The following ZNF568 variants were observed in gnomAD, a reference collection of about 807,000 sequenced individuals.
ZNF568 encodes the protein zinc finger protein 568, also known as p53 inhibitor of SCO2 activation.
A neutral mutation model predicts 18.1 loss-of-function variants in ZNF568; 11 were observed. That is an observed-to-expected ratio of 0.61 (90% confidence interval 0.38 to 1.00). The LOEUF (loss-of-function observed/expected upper bound fraction) is 1.00. Ranked by LOEUF, ZNF568 falls within the 50% of genes least tolerant of loss-of-function variation. The pLI is 0.01. For synonymous variants in ZNF568, 213 were observed against 246.6 expected (o/e 0.86, Z 1.28); for missense variants, 639 against 768.2 (o/e 0.83, Z 1.99).
At chr19:36,991,874 G>A (rs1339850664) in intron 4 of ZNF568, 1 of 1,521,308 alleles carries the variant, frequency 6.6e-7, no homozygotes, top group Non-Finnish European at 8.8e-7. Flanking sequence ...GGAATGGGGA[G>A]GCCATAGCAG....
intron 4 of ZNF568, among the ~76,000 whole-genome samples, chr19:36,930,754 T>C (rs1415255670): frequency 6.6e-6 from 1 of 152,150 alleles, no homozygotes; most frequent in Non-Finnish European, 1.5e-5. Flanking sequence ...ATCAACCCTT[T>C]AAGGAGAATT....
intron 6 of ZNF568, among the ~76,000 whole-genome samples, chr19:36,942,743 T>G (rs182118393): frequency 2.2e-3 from 342 of 152,294 alleles, no homozygotes; most frequent in African/African-American, 7.7e-3. Flanking sequence ...TGTTTTGTTT[T>G]TTTGCTGAAC....
At chr19:36,973,485 A>C (rs2074254606) in intron 6 of ZNF568, 1 of 154,818 alleles carries the variant, frequency 6.5e-6, no homozygotes, top group Non-Finnish European at 1.4e-5. Context: ...TGTCAGGGCC[A>C]CTGGCCCCCA....
At chr19:36,920,751 A>G (rs182203220) in intron 2 of ZNF568, among the ~76,000 whole-genome samples, 2 of 151,850 alleles carry the variant, frequency 1.3e-5, no homozygotes, top group Admixed American at 1.3e-4. Flanking sequence ...TAAAGTCTAC[A>G]GTAGTGTACA....
At chr19:36,985,551 C>G (rs1015372854) in intron 2 of ZNF568, among the ~76,000 whole-genome samples, 1 of 151,896 alleles carries the variant, frequency 6.6e-6, no homozygotes, top group Non-Finnish European at 1.5e-5. Context: ...AAGACACAGT[C>G]TCACTGTGTC....
At chr19:36,940,761 C>T (rs1312988676) in intron 6 of ZNF568, among the ~76,000 whole-genome samples, 2 of 152,118 alleles carry the variant, frequency 1.3e-5, no homozygotes, top group Non-Finnish European at 2.9e-5. Flanking sequence ...AAGATTGAGG[C>T]TTTCTTTTTC....
chr19:36,997,033 G>C, exon 5 of ZNF568: 1 of 1,563,578 alleles, frequency 6.4e-7, no homozygotes, highest in Non-Finnish European at 8.6e-7. Flanking sequence ...CCATACGGGT[G>C]AGAAACCCCA....
downstream of ZNF568, chr19:36,997,413 T>C (rs778658016): frequency 3.2e-6 from 5 of 1,587,050 alleles, no homozygotes; most frequent in Admixed American, 1.7e-5. Flanking sequence ...CCTTTACTTG[T>C]AGCACAGAAC....
exon 7 of ZNF568, chr19:36,974,455 G>A (rs1255736985): frequency 1.3e-6 from 2 of 1,536,146 alleles, no homozygotes; most frequent in East Asian, 4.9e-5. Context: ...TGCGTCTGAA[G>A]TGATGGCGGA....
At chr19:36,940,745 A>T (rs779944589) in intron 6 of ZNF568, among the ~76,000 whole-genome samples, 7 of 152,254 alleles carry the variant, frequency 4.6e-5, no homozygotes, top group African/African-American at 7.2e-5. Flanking sequence ...CTGTAGAAGG[A>T]GTAACAAGAT....
downstream of ZNF568, among the ~76,000 whole-genome samples, chr19:36,981,395 C>T (rs769323931): frequency 1.4e-4 from 21 of 152,086 alleles, no homozygotes; most frequent in Non-Finnish European, 2.8e-4. Context: ...ATTAAACCTT[C>T]GATCAATTTG....
intron 6 of ZNF568, among the ~76,000 whole-genome samples, chr19:36,969,228 TA>T (rs2074218110): frequency 6.6e-6 from 1 of 151,946 alleles, no homozygotes; most frequent in African/African-American, 2.4e-5. Flanking sequence ...ACAACTGAAG[TA>T]AATGTGCCTA....
At position 36,950,965 on chromosome 19, in the gene ZNF568, T is replaced by C. The variant is rs1352961686; in HGVS notation, c.1812T>C (p.His604=). Residue 604 remains histidine (H), a synonymous_variant, in exon 7 of 7, where the codon CAT becomes CAC. Coordinates refer to ENST00000333987, the MANE Select transcript of ZNF568 (RefSeq NM_198539.4). ...CTCAGTGCTCATTACTTATTATACATATGAGAAGTCATACTGGTGAGAAAC... is the reference window on the plus strand; with the variant it reads ...CTCAGTGCTCATTACTTATTATACACATGAGAAGTCATACTGGTGAGAAAC... The part of the protein sequence containing the change: ...AFSQCSLLII[H]MRSHTGEKPF... The C allele has an allele frequency of 1.2e-6, 2 of 1,613,804 alleles. No individual in the cohort carries two copies. The highest frequency in any genetic ancestry group is 4.5e-5 in the East Asian group (2 of 44,846).
At chr19:36,948,264 A>G (rs905244263) in intron 6 of ZNF568, among the ~76,000 whole-genome samples, 1 of 152,154 alleles carries the variant, frequency 6.6e-6, no homozygotes, top group Non-Finnish European at 1.5e-5. Flanking sequence ...ACTTAGCAAC[A>G]TGCATTTAAG....
At chr19:36,948,658 A>ATTTTTTTTTTTTGTTTTTTTTTT (rs2074005098) in intron 6 of ZNF568, among the ~76,000 whole-genome samples, 1 of 83,576 alleles carries the variant, frequency 1.2e-5, no homozygotes, top group African/African-American at 4.8e-5. Context: ...TTTGTTGTTG[A>ATTTTTTTTTTTTGTTTTTTTTTT]TTTTTTTTTT....
chr19:36,933,938 TTTTTA>T (rs2073741523), intron 4 of ZNF568, among the ~76,000 whole-genome samples: 4 of 139,158 alleles, frequency 2.9e-5, no homozygotes, highest in African/African-American at 8.0e-5. Context: ...TTTTTTTTTT[TTTTTA>T]GTAATTCAGT....
chr19:36,984,150 C>T (rs989738188), downstream of ZNF568, among the ~76,000 whole-genome samples: 15 of 152,118 alleles, frequency 9.9e-5, no homozygotes, highest in Non-Finnish European at 1.2e-4. Flanking sequence ...CCCCCCACCT[C>T]GGCCTCCCAA....
At chr19:36,969,790 T>A (rs2074223085) in intron 6 of ZNF568, among the ~76,000 whole-genome samples, 1 of 75,626 alleles carries the variant, frequency 1.3e-5, no homozygotes, top group Non-Finnish European at 2.6e-5. Context: ...GATTTTTTTT[T>A]TTTTTTTTTT....
chr19:36,977,990 T>C (rs945592233), intron 7 of ZNF568, among the ~76,000 whole-genome samples: 1 of 152,216 alleles, frequency 6.6e-6, no homozygotes, highest in Non-Finnish European at 1.5e-5. Context: ...TTTCATTGCT[T>C]CTTTTCTTTT....
Sources: gnomAD v4.1 joint callset for allele counts (sites outside exome capture counted in the v4.1 genomes callset) on GRCh38, gnomAD v4.1.1 for gene constraint, MANE v1.5 for transcripts, NCBI Gene and HGNC (gene_info 2026-07-23, HGNC 2026-07-21) for gene names.